The following C10orf67 variants were observed in gnomAD, a reference collection of about 807,000 sequenced individuals.
C10orf67 encodes the protein uncharacterized protein C10orf67, mitochondrial.
In C10orf67, 60 loss-of-function variants were observed where a neutral mutation model predicts 35.6. That is an observed-to-expected ratio of 1.68 (90% CI 1.37 to 2.09). C10orf67 has a LOEUF of 2.09. Among genes scored for constraint, C10orf67 ranks in the 30% most tolerant of loss-of-function variants. The probability of loss-of-function intolerance (pLI) is 0.00; values close to 1 mark genes in which losing one functional copy is unlikely to be tolerated. For missense variants in C10orf67, 474 were observed against 330.2 expected, an observed-to-expected ratio of 1.44 and a Z score of -3.38; for synonymous variants, 167 against 115.8, an observed-to-expected ratio of 1.44 and a Z score of -2.84.
At chr10:23,343,346 G>A (rs760282210) in intron 1 of C10orf67, among the ~76,000 whole-genome samples, 2 of 152,088 alleles carry the variant, frequency 1.3e-5, no homozygotes, top group Admixed American at 6.6e-5. Flanking sequence ...TCCCTTGCCC[G>A]TTGCACCATG....
intron 12 of C10orf67, among the ~76,000 whole-genome samples, chr10:23,244,380 T>A (rs1842261625): frequency 6.6e-6 from 1 of 152,214 alleles, no homozygotes; most frequent in South Asian, 2.1e-4. Flanking sequence ...ATCAATGAGT[T>A]AGGCTTCCTT....
At chr10:23,206,857 T>C (rs1284301765) in intron 15 of C10orf67, among the ~76,000 whole-genome samples, 4 of 152,330 alleles carry the variant, frequency 2.6e-5, no homozygotes, top group Middle Eastern at 3.4e-3. Context: ...AGTTTCTAGC[T>C]CTTTCTGTGG....
intron 13 of C10orf67, among the ~76,000 whole-genome samples, chr10:23,236,282 A>G (rs1223906397): frequency 3.1e-5 from 4 of 127,432 alleles, no homozygotes; most frequent in African/African-American, 1.1e-4. Flanking sequence ...AAAAAAAAAA[A>G]ATTAGCCAGG....
chr10:23,226,172 TCA>T (rs891247601), intron 13 of C10orf67, among the ~76,000 whole-genome samples: 16 of 151,730 alleles, frequency 1.1e-4, no homozygotes, highest in Non-Finnish European at 1.8e-4. Flanking sequence ...ATTCCAAAAT[TCA>T]CCACATAGTG....
At chr10:23,262,377 C>T (rs971913521) in intron 10 of C10orf67, among the ~76,000 whole-genome samples, 6 of 151,576 alleles carry the variant, frequency 4.0e-5, no homozygotes, top group African/African-American at 7.3e-5. Flanking sequence ...GGGAGAGGGT[C>T]ACCTCGCTGT....
At chr10:23,269,320 T>A (rs1489583571) in intron 8 of C10orf67, among the ~76,000 whole-genome samples, 1 of 152,210 alleles carries the variant, frequency 6.6e-6, no homozygotes, top group East Asian at 1.9e-4. Context: ...TACATGAAAT[T>A]GTCCAACACT....
chr10:23,343,345 C>A (rs796414736), intron 1 of C10orf67, among the ~76,000 whole-genome samples: 1 of 152,066 alleles, frequency 6.6e-6, no homozygotes, highest in Non-Finnish European at 1.5e-5. Context: ...CTCCCTTGCC[C>A]GTTGCACCAT....
At chr10:23,217,233 T>C (rs1209965982) in intron 15 of C10orf67, among the ~76,000 whole-genome samples, 1 of 152,166 alleles carries the variant, frequency 6.6e-6, no homozygotes, top group Non-Finnish European at 1.5e-5. Context: ...CCAGTGACAT[T>C]TGTAGAAGCC....
At position 23,261,550 on chromosome 10, in the gene C10orf67, G is replaced by T. The variant is rs529448216; in HGVS notation, c.1200+4712C>A. ...TGGTCTCAAACTCCTAGCCTCAAGT[G>T]ATCCTCCTGCCTCCGCCTCTCAAAG... On this transcript the variant is annotated intron_variant, in intron 10 of 15. Transcript: ENST00000636213. 1.2e-3 allele frequency among the ~76,000 whole-genome samples: 182 copies of T among 152,282 alleles called. 1 individual carries two copies. The highest frequency in any genetic ancestry group is 4.2e-3 in the African/African-American group (173 of 41,562).
intron 12 of C10orf67, among the ~76,000 whole-genome samples, chr10:23,244,180 T>C (rs1842256088): frequency 6.6e-6 from 1 of 152,208 alleles, no homozygotes; most frequent in South Asian, 2.1e-4. Context: ...CATGAGCCAC[T>C]GTGCCCAGCC....
intron 12 of C10orf67, among the ~76,000 whole-genome samples, chr10:23,243,439 G>A (rs966602330): frequency 1.3e-5 from 2 of 151,528 alleles, no homozygotes; most frequent in Admixed American, 6.6e-5. Flanking sequence ...ATCCCAGCAC[G>A]TTGGGAGGCT....
intron 13 of C10orf67, among the ~76,000 whole-genome samples, chr10:23,234,271 C>A (rs370131853): frequency 1.8e-4 from 27 of 152,226 alleles, no homozygotes; most frequent in African/African-American, 6.5e-4. Flanking sequence ...ATGGAATCAA[C>A]TTAAATGCCC....
chr10:23,245,509 ACAG>A (rs1240547238), intron 12 of C10orf67, among the ~76,000 whole-genome samples: 1 of 152,230 alleles, frequency 6.6e-6, no homozygotes, highest in Non-Finnish European at 1.5e-5. Context: ...ACTCAGCTTA[ACAG>A]CAAGAGAACA....
rs186628806 is a variant in C10orf67 at position 23,319,213 on chromosome 10, G to A, written c.546+1528C>T. 2.2e-3 allele frequency among the ~76,000 whole-genome samples: 342 copies of A among 152,164 alleles called. 1 individual carries two copies. The highest frequency in any genetic ancestry group is 6.8e-3 in the Middle Eastern group (2 of 294). ...ATTGTTCCCTTCTTTGTGTCCATAT[G>A]TTCTCAATGTTTAGCTCCCACTCAT... On this transcript the variant is annotated intron_variant, in intron 4 of 15. Transcript: ENST00000636213.
chr10:23,328,790 C>G (rs1845297253), intron 2 of C10orf67, among the ~76,000 whole-genome samples: 1 of 150,560 alleles, frequency 6.6e-6, no homozygotes, highest in South Asian at 2.1e-4. Flanking sequence ...TTGAGGCCAG[C>G]CTGGGCAACA....
chr10:23,339,402 CAAA>C (rs34805547), intron 1 of C10orf67, among the ~76,000 whole-genome samples: 3 of 72,316 alleles, frequency 4.1e-5, no homozygotes, highest in Non-Finnish European at 7.9e-5. Flanking sequence ...AAAAAGGCAG[CAAA>C]AAAAAAAAAA....
In C10orf67 at chr10:23,320,785, G is replaced by T; in HGVS notation, c.502C>A (p.Gln168Lys). The T allele has an allele frequency of 6.3e-7, 1 of 1,589,702 alleles. No individual in the cohort carries two copies. Among genetic ancestry groups the T allele is most frequent in the Admixed American group, 1.8e-5 (1 of 56,276 alleles). ...ACAGCTATGGCATCAGCTAACTGCTGATTGAAGGATTTTCTCATCTTATCC... is the reference window on the plus strand; with the variant it reads ...ACAGCTATGGCATCAGCTAACTGCTTATTGAAGGATTTTCTCATCTTATCC... ...NEDKMRKSFNQQLADAIAVIK... is the reference protein window; with the variant it reads ...NEDKMRKSFNKQLADAIAVIK... The change falls in exon 4 of 16, where the codon CAG becomes AAG. Residue 168 changes from glutamine (Q) to lysine (K), a missense_variant. Physicochemically the swap from Gln to Lys is moderately conservative, Grantham distance 53 (BLOSUM62 1). Coordinates refer to ENST00000636213, the MANE Select transcript of C10orf67 (RefSeq NM_001371909.1).
chr10:23,213,107 G>T (rs942798185), intron 15 of C10orf67, among the ~76,000 whole-genome samples: 19 of 152,146 alleles, frequency 1.2e-4, no homozygotes, highest in African/African-American at 4.6e-4. Flanking sequence ...AAATAGAAGA[G>T]TCACTAAAAT....
chr10:23,239,959 A>T, intron 12 of C10orf67, 143 bp from the exon 13 acceptor site: 1 of 435,426 alleles, frequency 2.3e-6, no homozygotes, highest in Non-Finnish European at 4.2e-6. Flanking sequence ...GCATGAACAT[A>T]CTACCTCTTT....
Sources: gnomAD v4.1 joint callset for allele counts (sites outside exome capture counted in the v4.1 genomes callset) on GRCh38, gnomAD v4.1.1 for gene constraint, MANE v1.5 for transcripts, NCBI Gene and HGNC (gene_info 2026-07-23, HGNC 2026-07-21) for gene names.